PDGFD: variants seen among roughly 807,000 people sequenced by gnomAD.
The protein encoded by PDGFD is platelet derived growth factor D.
In PDGFD, 30 loss-of-function variants were observed where a neutral mutation model predicts 44.7. That is an observed-to-expected ratio of 0.67 (90% CI 0.50 to 0.91). PDGFD has a LOEUF of 0.91. Among genes scored for constraint, PDGFD ranks in the 40% least tolerant of loss-of-function variants. The probability of loss-of-function intolerance (pLI) is 0.00; values close to 1 mark genes in which losing one functional copy is unlikely to be tolerated. For missense variants in PDGFD, 445 were observed against 457.8 expected (o/e 0.97, Z 0.25); for synonymous variants, 173 against 168.4 (o/e 1.03, Z -0.21).
chr11:104,028,719 G>A (rs1042788827), intron 1 of PDGFD, among the ~76,000 whole-genome samples: 1 of 149,586 alleles, frequency 6.7e-6, no homozygotes, highest in Non-Finnish European at 1.5e-5. Flanking sequence ...ACTGCAGTAA[G>A]AACATGAAAT....
chr11:104,095,093 C>A (rs533923275), intron 1 of PDGFD, among the ~76,000 whole-genome samples: 20 of 152,104 alleles, frequency 1.3e-4, no homozygotes, highest in Non-Finnish European at 2.2e-4. Flanking sequence ...TTATTCACCT[C>A]CACTTACCCT....
At chr11:103,918,031 T>C (rs1858154433) in intron 6 of PDGFD, among the ~76,000 whole-genome samples, 1 of 152,156 alleles carries the variant, frequency 6.6e-6, no homozygotes, top group South Asian at 2.1e-4. Flanking sequence ...TCAATCAAGT[T>C]AGGGCACTCT....
rs778135280 is a variant in PDGFD, at chr11:103,943,650, C to T, written c.574G>A (p.Gly192Arg). The T allele has an allele frequency of 1.2e-6, 2 of 1,611,056 alleles. No individual in the cohort carries two copies. Among genetic ancestry groups the T allele is most frequent in the South Asian group, 1.1e-5 (1 of 90,694 alleles). The change falls in exon 5 of 7, where the codon GGG (glycine) becomes AGG (arginine). Residue 192 changes from glycine to arginine, a missense_variant and splice_region_variant. Gly to Arg is a moderately radical substitution (Grantham distance 125). Transcript: ENST00000393158. ...NWESVTSSIS[G>R]VSYNSPSVTD... ...ACTGATGGAGAGTTATAGGATACCC[C>T]CTAAGAGTGACATACAGCTCAGTGT... is the stretch of plus-strand genomic sequence containing the variant.
Position 104,084,435 on chromosome 11 carries a change from C to T in PDGFD, c.124+79369G>A, listed in dbSNP as rs190888857. On this transcript the variant is annotated intron_variant, in intron 1 of 6. Coordinates refer to ENST00000393158, the MANE Select transcript of PDGFD (RefSeq NM_025208.5). Reference sequence around the variant, plus strand: ...AAGAAGAAAGGGCTGGTATAAATGGCCTGAGCTCAGTATGTTGAAGAAACA... The same window carrying T: ...AAGAAGAAAGGGCTGGTATAAATGGTCTGAGCTCAGTATGTTGAAGAAACA... Among the ~76,000 whole-genome samples, 4 of 151,972 alleles carry T rather than the reference C, an allele frequency of 2.6e-5. No homozygotes were observed. The East Asian group carries it at 7.7e-4, about 29-fold the overall frequency.
Position 104,147,425 on chromosome 11 carries a change from A to G in PDGFD, c.124+16379T>C, listed in dbSNP as rs566902981. ...CAAGCCATTTTACTTGATAGAATAT[A>G]TTTTCTTGATCAAATTATATGCAAA... is the stretch of plus-strand genomic sequence containing the variant. On this transcript the variant is annotated intron_variant, in intron 1 of 6. Coordinates refer to ENST00000393158, the MANE Select transcript of PDGFD (RefSeq NM_025208.5). Among the ~76,000 whole-genome samples, 5 of 152,274 alleles carry G rather than the reference A, an allele frequency of 3.3e-5. No homozygotes were observed. In the East Asian group the frequency reaches 7.7e-4, roughly 23 times the overall value.
chr11:103,963,369 C>T (rs1017180463), intron 3 of PDGFD, among the ~76,000 whole-genome samples: 2 of 152,104 alleles, frequency 1.3e-5, no homozygotes, highest in African/African-American at 2.4e-5. Context: ...TGGGTCTTCT[C>T]AAAGAGGAGA....
intron 5 of PDGFD, among the ~76,000 whole-genome samples, chr11:103,938,280 T>G (rs958487473): frequency 1.3e-5 from 2 of 152,358 alleles, no homozygotes; most frequent in Admixed American, 6.5e-5. Context: ...ATTGTGGTTT[T>G]GATTTGCATT....
intron 1 of PDGFD, among the ~76,000 whole-genome samples, chr11:104,139,280 A>G (rs1007284691): frequency 8.5e-5 from 13 of 152,190 alleles, no homozygotes; most frequent in African/African-American, 3.1e-4. Flanking sequence ...GATGCTTCAC[A>G]CTGCATCCTC....
At chr11:104,105,516 A>G (rs551391884) in intron 1 of PDGFD, among the ~76,000 whole-genome samples, 12 of 152,174 alleles carry the variant, frequency 7.9e-5, no homozygotes, top group African/African-American at 2.2e-4. Context: ...TCTAACTCAC[A>G]TAAGACTAAA....
intron 1 of PDGFD, among the ~76,000 whole-genome samples, chr11:104,142,463 TAC>T (rs982369173): frequency 9.2e-5 from 14 of 152,174 alleles, no homozygotes; most frequent in African/African-American, 3.1e-4. Context: ...ATAGTATATG[TAC>T]ACATATCTAT....
intron 1 of PDGFD, among the ~76,000 whole-genome samples, chr11:104,046,749 T>A (rs1458133410): frequency 6.8e-6 from 1 of 147,268 alleles, no homozygotes; most frequent in East Asian, 2.0e-4. Flanking sequence ...TTATTATTTT[T>A]TTATTATTAT....
intron 1 of PDGFD, among the ~76,000 whole-genome samples, chr11:104,122,564 T>G (rs1002048801): frequency 6.6e-6 from 1 of 152,026 alleles, no homozygotes; most frequent in Admixed American, 6.6e-5. Flanking sequence ...GCTATCCTCT[T>G]TCTTTCACCT....
At chr11:104,110,767 C>A (rs1360782332) in intron 1 of PDGFD, among the ~76,000 whole-genome samples, 1 of 151,972 alleles carries the variant, frequency 6.6e-6, no homozygotes, top group Non-Finnish European at 1.5e-5. Flanking sequence ...ATGGCAGCAC[C>A]TAGGAGGTTA....
At chr11:103,941,631 A>G (rs983604937) in intron 5 of PDGFD, among the ~76,000 whole-genome samples, 12 of 152,260 alleles carry the variant, frequency 7.9e-5, no homozygotes, top group African/African-American at 2.4e-4. Flanking sequence ...CTGCTAAAAA[A>G]AAAATCACAA....
At position 103,984,053 on chromosome 11, in the gene PDGFD, T is replaced by A. The variant is rs371373497; in HGVS notation, c.510+12012A>T. ...AATCCCACTCAACTCAGCAATCCATTATTGGGTATATACCCAAAGGAATAT... is the reference window on the plus strand; with the variant it reads ...AATCCCACTCAACTCAGCAATCCATAATTGGGTATATACCCAAAGGAATAT... On this transcript the variant is annotated intron_variant, in intron 3 of 6. Coordinates refer to ENST00000393158, the MANE Select transcript of PDGFD (RefSeq NM_025208.5). Among the ~76,000 whole-genome samples, 109 of 151,714 alleles carry A rather than the reference T, an allele frequency of 7.2e-4. 2 individuals carry two copies. The South Asian group carries it at 0.013, about 18-fold the overall frequency.
intron 1 of PDGFD, among the ~76,000 whole-genome samples, chr11:104,069,480 G>A (rs1198121630): frequency 6.6e-6 from 1 of 152,208 alleles, no homozygotes; most frequent in East Asian, 1.9e-4. Flanking sequence ...GTGAGACCAT[G>A]TGAGTATACA....
At position 103,907,329 on chromosome 11, in the gene PDGFD, C is replaced by T. The variant is rs188734091; in HGVS notation, c.*2365G>A. 1.3e-5 allele frequency: 2 copies of T among 152,214 alleles called. No individual in the cohort carries two copies. Among genetic ancestry groups the T allele is most frequent in the Admixed American group, 1.3e-4 (2 of 15,294 alleles). 9.4% of individuals were successfully genotyped at this position (152,214 alleles called of 1,614,324 possible). On this transcript the variant is annotated 3_prime_UTR_variant, in exon 7 of 7. Coordinates refer to ENST00000393158, the MANE Select transcript of PDGFD (RefSeq NM_025208.5). ...AAACTCTACTTATGAAAGTGTTTTG[C>T]CCTATAAGAACATATTCAATAAAAG...
chr11:104,129,577 G>A (rs1591179123), intron 1 of PDGFD, among the ~76,000 whole-genome samples: 5 of 152,288 alleles, frequency 3.3e-5, no homozygotes, highest in Admixed American at 3.3e-4. Context: ...AGCATCAGAT[G>A]CTTCCTTAAA....
chr11:104,044,106 G>A (rs1163958770), intron 1 of PDGFD, among the ~76,000 whole-genome samples: 1 of 152,086 alleles, frequency 6.6e-6, no homozygotes, highest in African/African-American at 2.4e-5. Flanking sequence ...TTAATTCCAG[G>A]GAATAACAGA....
Sources: allele counts gnomAD v4.1 joint callset (sites outside exome capture counted in the v4.1 genomes callset), GRCh38; gene constraint gnomAD v4.1.1; transcripts MANE v1.5; gene names NCBI Gene and HGNC (gene_info 2026-07-23, HGNC 2026-07-21).